The following TLE4 variants were observed in gnomAD, a reference collection of about 807,000 sequenced individuals.
TLE4 encodes TLE family member 4, transcriptional corepressor, also known as transducin-like enhancer protein 4.
TLE4 carries 8 observed loss-of-function variants against 92.8 expected under a neutral mutation model. That is an observed-to-expected ratio of 0.09 (90% confidence interval 0.05 to 0.16). The LOEUF is 0.16. Ranked by LOEUF, TLE4 falls within the 10% of genes least tolerant of loss-of-function variation. The pLI, the probability that TLE4 is intolerant of heterozygous loss-of-function variation, is 1.00. For missense variants in TLE4, 675 were observed against 997.6 expected, an observed-to-expected ratio of 0.68 and a Z score of 4.36; for synonymous variants, 371 against 374.1, an observed-to-expected ratio of 0.99 and a Z score of 0.10.
intron 4 of TLE4, among the ~76,000 whole-genome samples, chr9:79,610,361 T>C (rs2132990822): frequency 6.6e-6 from 1 of 152,210 alleles, no homozygotes; most frequent in Middle Eastern, 3.4e-3. Context: ...TCCACAGTGT[T>C]ATTGGCTGAT....
In TLE4 at chr9:79,572,618, G is replaced by T. The variant is rs915269189; in HGVS notation, c.-173G>T. 6 of 316,456 alleles carry T rather than the reference G, an allele frequency of 1.9e-5. No homozygotes were observed. Among genetic ancestry groups the T allele is most frequent in the African/African-American group, 1.3e-4 (6 of 44,856 alleles). The allele number at this position is 316,456 out of a possible 1,614,324, so 19.6% of individuals were successfully genotyped here. A position where few individuals can be genotyped will look rare whatever the true frequency, so the allele number is the denominator to read the frequency against. The stretch of plus-strand genomic sequence containing the variant: ...GCCCGGCAGCCGGCACCCAGCCGCC[G>T]CCGCGCGTTCCTGCCGCCCGTGTCA... On this transcript the variant is annotated 5_prime_UTR_variant, in exon 1 of 20. Coordinates refer to ENST00000376552, the MANE Select transcript of TLE4 (RefSeq NM_007005.6).
chr9:79,596,225 A>G (rs925637888), intron 4 of TLE4, among the ~76,000 whole-genome samples: 1 of 152,052 alleles, frequency 6.6e-6, no homozygotes, highest in African/African-American at 2.4e-5. Context: ...AAATTTCAGG[A>G]CCATGTTATT....
chr9:79,712,758 A>G lies in TLE4; in HGVS notation c.1340+3059A>G, dbSNP rs77047056. ...AATAACAGCATAGTTTAATTTCAAC[A>G]TAAGCCAAAAATGGCCCTTCTCCTT... On this transcript the variant is annotated intron_variant, in intron 14 of 19. Transcript: ENST00000376552. Among the ~76,000 whole-genome samples, 6 of 152,390 alleles carry G rather than the reference A, an allele frequency of 3.9e-5. No homozygotes were observed. The East Asian group carries it at 7.7e-4, about 20-fold the overall frequency.
chr9:79,673,935 T>C (rs1481253062), intron 8 of TLE4, among the ~76,000 whole-genome samples: 1 of 152,048 alleles, frequency 6.6e-6, no homozygotes, highest in Non-Finnish European at 1.5e-5. Flanking sequence ...GTAGGGCCGT[T>C]CTGCTTAATG....
At chr9:79,574,478 A>G (rs1307635699) in intron 2 of TLE4, among the ~76,000 whole-genome samples, 3 of 152,206 alleles carry the variant, frequency 2.0e-5, no homozygotes, top group Non-Finnish European at 4.4e-5. Context: ...ATCTCTTTGT[A>G]GAACATTAAA....
chr9:79,624,934 T>C (rs1332028812), intron 5 of TLE4, among the ~76,000 whole-genome samples: 1 of 152,140 alleles, frequency 6.6e-6, no homozygotes, highest in Non-Finnish European at 1.5e-5. Flanking sequence ...GAATGAATGA[T>C]ACCTGTGTTG....
intron 16 of TLE4, among the ~76,000 whole-genome samples, 154 bp downstream of exon 16, chr9:79,720,447 T>A (rs1239860747): frequency 1.3e-5 from 2 of 151,062 alleles, no homozygotes; most frequent in Non-Finnish European, 2.9e-5. Context: ...ATTATCTTAC[T>A]AAAAATTGTT....
chr9:79,672,044 AG>A (rs2062481303), intron 8 of TLE4, among the ~76,000 whole-genome samples: 3 of 60,114 alleles, frequency 5.0e-5, no homozygotes, highest in African/African-American at 1.9e-4. Flanking sequence ...GTGGTGGGGG[AG>A]GGGGGATGCC....
At chr9:79,612,600 A>C in intron 4 of TLE4, 56 bp from the exon 5 acceptor site, 1 of 1,458,236 alleles carries the variant, frequency 6.9e-7, no homozygotes, top group Non-Finnish European at 9.6e-7. Flanking sequence ...TATTTGGGGA[A>C]TCTGTAACCA....
At chr9:79,705,368 G>C (rs984239889) in intron 9 of TLE4, among the ~76,000 whole-genome samples, 1 of 152,230 alleles carries the variant, frequency 6.6e-6, no homozygotes, top group Non-Finnish European at 1.5e-5. Context: ...TTCCTTTAGT[G>C]GCTGGGCAGG....
intron 5 of TLE4, among the ~76,000 whole-genome samples, chr9:79,625,142 C>G (rs1450851661): frequency 1.4e-5 from 2 of 147,256 alleles, no homozygotes; most frequent in Non-Finnish European, 3.0e-5. Context: ...GCCTCAGCCT[C>G]CCAAGTAGCT....
At chr9:79,583,202 A>G (rs890739731) in intron 4 of TLE4, among the ~76,000 whole-genome samples, 4 of 152,082 alleles carry the variant, frequency 2.6e-5, no homozygotes, top group African/African-American at 9.7e-5. Flanking sequence ...TGCTATTTCT[A>G]TATCATTGAC....
intron 1 of TLE4, 29 bp downstream of exon 1, chr9:79,572,864 G>T (rs764741903): frequency 3.1e-6 from 5 of 1,588,138 alleles, no homozygotes; most frequent in Non-Finnish European, 3.4e-6. Flanking sequence ...GCGCGGGCTC[G>T]CCGGGTGCTG....
At chr9:79,578,862 A>G (rs1231127780) in intron 4 of TLE4, among the ~76,000 whole-genome samples, 1 of 149,390 alleles carries the variant, frequency 6.7e-6, no homozygotes, top group Non-Finnish European at 1.5e-5. Flanking sequence ...GAACTTGGTG[A>G]TATGACGTGG....
chr9:79,654,072 C>T lies in TLE4; in HGVS notation c.606C>T (p.Ile202=). The T allele has an allele frequency of 5.0e-6, 8 of 1,613,524 alleles. No homozygotes were observed. The highest frequency in any genetic ancestry group is 6.8e-6 in the Non-Finnish European group (8 of 1,179,722). The change falls in exon 8 of 20, where the codon ATC becomes ATT. Residue 202 remains isoleucine (I), a synonymous_variant. Coordinates refer to ENST00000376552, the MANE Select transcript of TLE4 (RefSeq NM_007005.6). ...DNDHQRDRDS[I]KSSSVSPSAS... ...TTTTGCATATAGACAGAGACTCCAT[C>T]AAGGTAGGACTCAAAATTTACAGAC...
intron 4 of TLE4, among the ~76,000 whole-genome samples, chr9:79,606,214 T>G (rs1026975851): frequency 4.0e-5 from 5 of 126,148 alleles, no homozygotes; most frequent in African/African-American, 1.5e-4. Flanking sequence ...TTTTTTTTTT[T>G]TTTTTTTTTT....
At chr9:79,602,285 C>CA (rs1278135430) in intron 4 of TLE4, among the ~76,000 whole-genome samples, 2 of 152,330 alleles carry the variant, frequency 1.3e-5, no homozygotes, top group East Asian at 3.9e-4. Context: ...CTACACCAAA[C>CA]AACAGATTTG....
At chr9:79,697,268 A>G (rs1296915691) in intron 8 of TLE4, among the ~76,000 whole-genome samples, 3 of 152,222 alleles carry the variant, frequency 2.0e-5, no homozygotes, top group Non-Finnish European at 2.9e-5. Flanking sequence ...CGATGAACAC[A>G]ATACAAAGTT....
intron 8 of TLE4, among the ~76,000 whole-genome samples, chr9:79,686,773 ATGTC>A (rs1490507088): frequency 6.6e-6 from 1 of 152,200 alleles, no homozygotes; most frequent in Non-Finnish European, 1.5e-5. Flanking sequence ...CAAGAAATAA[ATGTC>A]TGTTGCTTTA....
Sources: allele counts gnomAD v4.1 joint callset (sites outside exome capture counted in the v4.1 genomes callset), GRCh38; gene constraint gnomAD v4.1.1; transcripts MANE v1.5; gene names NCBI Gene and HGNC (gene_info 2026-07-23, HGNC 2026-07-21).